Variants in FADS2 observed in about 807,000 individuals in gnomAD.
FADS2 encodes the protein acyl-CoA 6-desaturase.
FADS2 carries 18 observed loss-of-function variants against 61.2 expected under a neutral mutation model. The ratio of observed to expected loss-of-function variants is 0.29; its 90% CI spans 0.20 to 0.44. The LOEUF (loss-of-function observed/expected upper bound fraction) is 0.44, where lower values mean the gene tolerates loss of function less well. Ranked by LOEUF, FADS2 falls within the 20% of genes least tolerant of loss-of-function variation. The pLI is 1.00. For synonymous variants in FADS2, 203 were observed against 223.9 expected, an observed-to-expected ratio of 0.91 and a Z score of 0.83; for missense variants, 322 against 572.7, an observed-to-expected ratio of 0.56 and a Z score of 4.47.
intron 1 of FADS2, among the ~76,000 whole-genome samples, chr11:61,832,260 C>A (rs1264347037): frequency 6.6e-6 from 1 of 152,216 alleles, no homozygotes; most frequent in Non-Finnish European, 1.5e-5. Flanking sequence ...CTTGTGAAAA[C>A]GCAACAGATC....
intron 10 of FADS2, chr11:61,864,037 C>G (rs2067440861): frequency 4.0e-6 from 2 of 493,994 alleles, no homozygotes; most frequent in Non-Finnish European, 7.3e-6. Context: ...CACCTCCCTC[C>G]ATGTGGGCCT....
At chr11:61,831,610 C>T (rs1461679476) in intron 1 of FADS2, among the ~76,000 whole-genome samples, 1 of 152,192 alleles carries the variant, frequency 6.6e-6, no homozygotes, top group Admixed American at 6.5e-5. Context: ...TAAACCCTGA[C>T]CTTGCCTATA....
intron 10 of FADS2, chr11:61,864,089 C>G: frequency 2.7e-6 from 1 of 368,364 alleles, no homozygotes; most frequent in Non-Finnish European, 4.9e-6. Flanking sequence ...ACCTCATGAC[C>G]CTGTGAGGCT....
At chr11:61,833,487 CT>C (rs1219119650) in intron 1 of FADS2, among the ~76,000 whole-genome samples, 1 of 152,208 alleles carries the variant, frequency 6.6e-6, no homozygotes, top group Non-Finnish European at 1.5e-5. Context: ...TGAGGGAAGC[CT>C]TTGTATGAAC....
intron 10 of FADS2, 183 bp downstream of exon 10, chr11:61,863,969 A>C: frequency 1.7e-6 from 1 of 590,780 alleles, no homozygotes; most frequent in South Asian, 2.1e-5. Context: ...CCCCTATTCC[A>C]TCTCCCTGAG....
At chr11:61,834,884 T>C (rs1476869523) in intron 1 of FADS2, among the ~76,000 whole-genome samples, 2 of 151,908 alleles carry the variant, frequency 1.3e-5, no homozygotes, top group East Asian at 3.9e-4. Context: ...GCTGAGGCTC[T>C]GGTGGGGACT....
chr11:61,858,879 G>A (rs539123079), intron 7 of FADS2, among the ~76,000 whole-genome samples: 5 of 152,210 alleles, frequency 3.3e-5, no homozygotes, highest in East Asian at 3.9e-4. Flanking sequence ...CACTGCACCC[G>A]GCAGATAAAT....
chr11:61,841,055 A>ATTT (rs200202925), intron 4 of FADS2, among the ~76,000 whole-genome samples: 5 of 141,596 alleles, frequency 3.5e-5, no homozygotes, highest in East Asian at 2.1e-4. Context: ...AAGTAGCAGT[A>ATTT]TTTTTTTTTT....
Position 61,828,712 on chromosome 11 carries a change from T to C in FADS2, c.207+115T>C, listed in dbSNP as rs1301575402. 9.0e-6 allele frequency: 8 copies of C among 889,614 alleles called. No homozygotes were observed. Among genetic ancestry groups the C allele is most frequent in the Middle Eastern group, 3.3e-4 (1 of 2,994 alleles). The allele number at this position is 889,614 out of a possible 1,614,324, so 55.1% of individuals were successfully genotyped here. ...GCTGAATGGAGCTTGGGACGTCCTG[T>C]AGGGAAGGAAAGTGCATCTATTGCA... On this transcript the variant is annotated intron_variant, in intron 1 of 11. Coordinates refer to ENST00000278840, the MANE Select transcript of FADS2 (RefSeq NM_004265.4). The surrounding 1 kb of genome is among the most constrained non-coding windows in gnomAD (Gnocchi z 6.4).
At chr11:61,839,778 G>A (rs960185755) in intron 2 of FADS2, among the ~76,000 whole-genome samples, 14 of 152,078 alleles carry the variant, frequency 9.2e-5, no homozygotes, top group Admixed American at 4.6e-4. Context: ...CCACCTCTCA[G>A]CCCCTGGCAG....
At chr11:61,826,812 G>C (rs1404127800), upstream of FADS2, among the ~76,000 whole-genome samples, 2 of 152,022 alleles carry the variant, frequency 1.3e-5, no homozygotes, top group African/African-American at 4.8e-5. Context: ...AACCCCACCA[G>C]TTGGGCAGAG....
At chr11:61,848,870 G>C (rs1270427688) in intron 5 of FADS2, 1 of 153,516 alleles carries the variant, frequency 6.5e-6, no homozygotes, top group Non-Finnish European at 1.5e-5. Flanking sequence ...AGGTCAGCGA[G>C]AGGATGGAAC....
chr11:61,858,801 G>A (rs751401938), intron 7 of FADS2, among the ~76,000 whole-genome samples: 3 of 152,072 alleles, frequency 2.0e-5, no homozygotes, highest in Admixed American at 6.5e-5. Flanking sequence ...GGCCAGGCTG[G>A]TCTCGAACTC....
At chr11:61,820,282 G>A (rs1232832820) in intron 1 of FADS2, among the ~76,000 whole-genome samples, 1 of 151,794 alleles carries the variant, frequency 6.6e-6, no homozygotes, top group African/African-American at 2.4e-5. Context: ...ACCTACTTTG[G>A]TAAGGTGCTG....
rs778333968 is a variant in FADS2, at chr11:61,840,356, G to A, written c.341G>A (p.Arg114Gln). The stretch of plus-strand genomic sequence containing the variant: ...CAGTCAAAGATCACTGAGGACTTCC[G>A]GGCCCTGAGGAAGACGGCTGAGGAC... ...GKNSKITEDF[R>Q]ALRKTAEDMN... Residue 114 changes from arginine (R) to glutamine (Q), a missense_variant, in exon 3 of 12, where the codon CGG (arginine) becomes CAG (glutamine). Physicochemically the swap from Arg to Gln is conservative, Grantham distance 43. Transcript: ENST00000278840. The A allele has an allele frequency of 9.9e-6, 16 of 1,614,138 alleles. No individual in the cohort carries two copies. The highest frequency in any genetic ancestry group is 3.3e-5 in the South Asian group (3 of 91,070).
In FADS2 at chr11:61,816,969, C is replaced by T. The variant is rs1163404450; in HGVS notation, c.141+543C>T. On this transcript the variant is annotated intron_variant, in intron 1 of 11. Transcript: ENST00000257261. This position sits in a 1 kb window ranked among gnomAD's most constrained non-coding sequence, Gnocchi z 7.0. ...GGCGCGGGGAGCGAGATCCCGTCCC[C>T]CGGTGGGTCTTGGGCAACTCACAGC... 6 of 1,369,142 alleles carry T rather than the reference C, an allele frequency of 4.4e-6. No homozygotes were observed. The South Asian group carries it at 6.8e-5, about 16-fold the overall frequency. 84.8% of individuals were successfully genotyped at this position (1,369,142 alleles called of 1,614,324 possible).
chr11:61,838,266 T>C (rs886484193), intron 2 of FADS2, among the ~76,000 whole-genome samples: 8 of 152,130 alleles, frequency 5.3e-5, no homozygotes, highest in Non-Finnish European at 1.0e-4. Flanking sequence ...GAATGACCAT[T>C]CCCTGGTCAT....
intron 1 of FADS2, among the ~76,000 whole-genome samples, chr11:61,833,237 A>G (rs2067143761): frequency 6.6e-6 from 1 of 152,176 alleles, no homozygotes; most frequent in African/African-American, 2.4e-5. Context: ...CTCTTCCTGG[A>G]AAGTCTCTGG....
At chr11:61,826,223 C>T, upstream of FADS2, 3 of 702,392 alleles carry the variant, frequency 4.3e-6, no homozygotes, top group South Asian at 3.0e-5. Context: ...TCATTGGAGC[C>T]ATTCTTTGAA....
Sources: gnomAD v4.1 joint callset for allele counts (sites outside exome capture counted in the v4.1 genomes callset) on GRCh38, gnomAD v4.1.1 for gene constraint, Gnocchi (gnomAD v3.1) non-coding constraint, MANE v1.5 for transcripts, NCBI Gene and HGNC (gene_info 2026-07-23, HGNC 2026-07-21) for gene names.